Variants in PTPRD observed in about 807,000 individuals in gnomAD.
PTPRD encodes the protein receptor-type tyrosine-protein phosphatase delta.
Under a neutral mutation model 214.5 loss-of-function variants are expected in PTPRD, and 34 were observed. The observed-to-expected ratio is 0.16, with a 90% CI of 0.12 to 0.21. PTPRD has a LOEUF of 0.21. Ranked by LOEUF, PTPRD falls within the 10% of genes least tolerant of loss-of-function variation. PTPRD has a pLI of 1.00. For synonymous variants in PTPRD, 1,128 were observed against 845.7 expected (o/e 1.33, Z -5.79); for missense variants, 2,545 against 2,398.7 (o/e 1.06, Z -1.27).
intron 7 of PTPRD, among the ~76,000 whole-genome samples, chr9:9,673,782 C>T (rs1052879339): frequency 2.0e-5 from 3 of 150,508 alleles, no homozygotes; most frequent in South Asian, 2.1e-4. Flanking sequence ...ACAGAAACCC[C>T]AAAAAGATCA....
intron 5 of PTPRD, among the ~76,000 whole-genome samples, chr9:9,867,270 G>GT (rs1259332370): frequency 1.4e-4 from 21 of 152,166 alleles, no homozygotes; most frequent in African/African-American, 5.1e-4. Context: ...GATTCATTCT[G>GT]CTTTTTAAAT....
At chr9:10,445,899 G>A (rs1402266846) in intron 2 of PTPRD, among the ~76,000 whole-genome samples, 1 of 152,058 alleles carries the variant, frequency 6.6e-6, no homozygotes, top group East Asian at 1.9e-4. Flanking sequence ...AAGATATGTT[G>A]AATAAGTGGT....
At chr9:8,727,080 A>G (rs1191089594) in intron 12 of PTPRD, among the ~76,000 whole-genome samples, 1 of 152,220 alleles carries the variant, frequency 6.6e-6, no homozygotes, top group Non-Finnish European at 1.5e-5. Flanking sequence ...AGGAGATCAC[A>G]CAACAGTAGA....
chr9:9,420,876 G>T (rs1409233991), intron 8 of PTPRD, among the ~76,000 whole-genome samples: 1 of 151,776 alleles, frequency 6.6e-6, no homozygotes, highest in Non-Finnish European at 1.5e-5. Context: ...TTTCATAAAT[G>T]CAGATAATTT....
At chr9:10,112,483 A>T (rs1342050983) in intron 3 of PTPRD, among the ~76,000 whole-genome samples, 1 of 152,138 alleles carries the variant, frequency 6.6e-6, no homozygotes, top group East Asian at 1.9e-4. Context: ...TAAAAATATA[A>T]GTAAATGAAG....
At chr9:8,351,419 C>A (rs551037019) in intron 39 of PTPRD, among the ~76,000 whole-genome samples, 15 of 149,556 alleles carry the variant, frequency 1.0e-4, no homozygotes, top group Middle Eastern at 3.4e-3. Flanking sequence ...TTTTTTTTAA[C>A]AAGGATAACA....
intron 14 of PTPRD, among the ~76,000 whole-genome samples, chr9:8,599,262 T>G (rs1406026005): frequency 6.6e-6 from 1 of 152,162 alleles, no homozygotes; most frequent in Non-Finnish European, 1.5e-5. Context: ...ACCTCTTTCC[T>G]TTATAAATTA....
intron 10 of PTPRD, among the ~76,000 whole-genome samples, chr9:9,105,287 C>G (rs538948359): frequency 6.6e-6 from 1 of 151,950 alleles, no homozygotes; most frequent in African/African-American, 2.4e-5. Flanking sequence ...TTTCACTAAG[C>G]CTTTCATACC....
At chr9:8,330,168 G>A (rs1016773915) in intron 44 of PTPRD, among the ~76,000 whole-genome samples, 6 of 152,038 alleles carry the variant, frequency 3.9e-5, no homozygotes, top group South Asian at 2.1e-4. Flanking sequence ...GTGAGGCAAC[G>A]CCACACCCTG....
At chr9:9,501,663 A>G (rs2096419233) in intron 8 of PTPRD, among the ~76,000 whole-genome samples, 8 of 151,962 alleles carry the variant, frequency 5.3e-5, no homozygotes, top group Admixed American at 5.3e-4. Context: ...AGACTGGGCA[A>G]TACCATAAAA....
At chr9:9,964,001 G>T (rs1194600568) in intron 4 of PTPRD, among the ~76,000 whole-genome samples, 1 of 149,662 alleles carries the variant, frequency 6.7e-6, no homozygotes, top group South Asian at 2.1e-4. Flanking sequence ...GCACATCAGA[G>T]ATTTAAAATG....
At chr9:9,658,956 C>G (rs1417270035) in intron 7 of PTPRD, among the ~76,000 whole-genome samples, 1 of 151,894 alleles carries the variant, frequency 6.6e-6, no homozygotes, top group Admixed American at 6.6e-5. Context: ...AATCACATTT[C>G]AAAGAAGTAG....
chr9:9,748,777 A>G (rs2098484014), intron 6 of PTPRD, among the ~76,000 whole-genome samples: 1 of 152,208 alleles, frequency 6.6e-6, no homozygotes, highest in Non-Finnish European at 1.5e-5. Flanking sequence ...TTACACAGCA[A>G]AGTGATTTCA....
chr9:10,598,009 A>G, intron 2 of PTPRD, among the ~76,000 whole-genome samples: 1 of 151,722 alleles, frequency 6.6e-6, no homozygotes, highest in Admixed American at 6.6e-5. Context: ...ATATATAGGC[A>G]TTTGCTGCCC....
intron 4 of PTPRD, among the ~76,000 whole-genome samples, chr9:9,957,932 G>C (rs1025504336): frequency 2.6e-5 from 4 of 151,844 alleles, no homozygotes; most frequent in Admixed American, 1.3e-4. Flanking sequence ...CATCAATACA[G>C]TCAACTGATC....
intron 33 of PTPRD, among the ~76,000 whole-genome samples, chr9:8,450,936 G>C (rs1454198224): frequency 6.6e-6 from 1 of 151,884 alleles, no homozygotes; most frequent in African/African-American, 2.4e-5. Context: ...TTTTTACTGT[G>C]GGGGGGAAAA....
At chr9:9,469,283 T>C (rs1176668595) in intron 8 of PTPRD, among the ~76,000 whole-genome samples, 3 of 152,184 alleles carry the variant, frequency 2.0e-5, no homozygotes, top group African/African-American at 2.4e-5. Flanking sequence ...AAATTATGTA[T>C]GTGACTTGCA....
intron 3 of PTPRD, among the ~76,000 whole-genome samples, chr9:10,263,940 C>T (rs1251392497): frequency 6.6e-6 from 1 of 152,128 alleles, no homozygotes; most frequent in Non-Finnish European, 1.5e-5. Flanking sequence ...AAGGCTCCAT[C>T]CATGGCGAAA....
At chr9:9,986,752 G>A (rs2095724962) in intron 4 of PTPRD, among the ~76,000 whole-genome samples, 1 of 152,078 alleles carries the variant, frequency 6.6e-6, no homozygotes, top group African/African-American at 2.4e-5. Context: ...TCACTTTTGT[G>A]ATTGAAATAC....
Sources: gnomAD v4.1 joint callset for allele counts (sites outside exome capture counted in the v4.1 genomes callset) on GRCh38, gnomAD v4.1.1 for gene constraint, MANE v1.5 for transcripts, NCBI Gene and HGNC (gene_info 2026-07-23, HGNC 2026-07-21) for gene names.